RBFOX1: variants seen among roughly 807,000 people sequenced by gnomAD.
RBFOX1 encodes the protein RNA binding fox-1 homolog 1.
RBFOX1 carries 8 observed loss-of-function variants against 57.7 expected under a neutral mutation model. That is an observed-to-expected ratio of 0.14 (90% CI 0.08 to 0.25). The LOEUF (loss-of-function observed/expected upper bound fraction) is 0.25. Among genes scored for constraint, RBFOX1 ranks in the 10% least tolerant of loss-of-function variants. The pLI, the probability that RBFOX1 is intolerant of heterozygous loss-of-function variation, is 1.00. For missense variants in RBFOX1, 611 were observed against 548.5 expected, an observed-to-expected ratio of 1.11 and a Z score of -1.14; for synonymous variants, 326 against 222.4, an observed-to-expected ratio of 1.47 and a Z score of -4.15.
chr16:6,694,273 G>A (rs2154135776), intron 3 of RBFOX1, among the ~76,000 whole-genome samples: 1 of 152,174 alleles, frequency 6.6e-6, no homozygotes, highest in East Asian at 1.9e-4. Context: ...GGAGGTTGGT[G>A]TGTGAGTCAA....
chr16:7,155,740 C>CACAG (rs1567490781), intron 4 of RBFOX1, among the ~76,000 whole-genome samples: 1 of 99,586 alleles, frequency 1.0e-5, no homozygotes, highest in African/African-American at 5.0e-5. Context: ...TATATATATA[C>CACAG]ACACACACAC....
chr16:6,079,121 C>T (rs1236968748), intron 1 of RBFOX1, among the ~76,000 whole-genome samples: 1 of 151,354 alleles, frequency 6.6e-6, no homozygotes, highest in East Asian at 2.0e-4. Context: ...CTAACCTGAC[C>T]AACATGGTGA....
intron 3 of RBFOX1, among the ~76,000 whole-genome samples, chr16:6,834,534 T>C (rs766410036): frequency 5.0e-5 from 7 of 140,124 alleles, no homozygotes; most frequent in East Asian, 2.2e-4. Flanking sequence ...ATGAATCAGT[T>C]AATTAATTAA....
intron 2 of RBFOX1, among the ~76,000 whole-genome samples, chr16:6,651,973 C>G (rs986836839): frequency 6.6e-6 from 1 of 152,168 alleles, no homozygotes; most frequent in Non-Finnish European, 1.5e-5. Context: ...CACAGAAGGA[C>G]AAATGTTGTA....
intron 3 of RBFOX1, among the ~76,000 whole-genome samples, chr16:6,865,177 AC>A (rs1486333925): frequency 1.2e-4 from 18 of 151,228 alleles, no homozygotes; most frequent in African/African-American, 4.4e-4. Flanking sequence ...TAATTTTTGT[AC>A]TTTTAGTAGA....
intron 2 of RBFOX1, among the ~76,000 whole-genome samples, chr16:6,503,573 G>T (rs775942042): frequency 2.6e-5 from 4 of 152,186 alleles, no homozygotes; most frequent in Non-Finnish European, 4.4e-5. Flanking sequence ...TTGCTGGGTT[G>T]CCTCAGTTTT....
chr16:6,219,610 C>A (rs1340294960), intron 1 of RBFOX1, among the ~76,000 whole-genome samples: 1 of 152,040 alleles, frequency 6.6e-6, no homozygotes, highest in African/African-American at 2.4e-5. Context: ...CGTGGTGGCT[C>A]ATGCTTGTAA....
intron 4 of RBFOX1, among the ~76,000 whole-genome samples, chr16:7,333,532 C>T (rs1276364860): frequency 6.6e-6 from 1 of 152,174 alleles, no homozygotes; most frequent in Non-Finnish European, 1.5e-5. Flanking sequence ...CACGGATTGT[C>T]TATTTTCAGA....
chr16:6,512,687 A>G (rs557586962), intron 2 of RBFOX1, among the ~76,000 whole-genome samples: 1 of 152,266 alleles, frequency 6.6e-6, no homozygotes, highest in South Asian at 2.1e-4. Context: ...CCCACATGCT[A>G]TGAGGACCCT....
At chr16:7,124,799 C>T (rs572045547) in intron 4 of RBFOX1, among the ~76,000 whole-genome samples, 1 of 151,950 alleles carries the variant, frequency 6.6e-6, no homozygotes, top group African/African-American at 2.4e-5. Flanking sequence ...AAACAGACAG[C>T]CAGTGTAGAG....
At chr16:6,618,025 A>G (rs1425718030) in intron 2 of RBFOX1, among the ~76,000 whole-genome samples, 1 of 152,156 alleles carries the variant, frequency 6.6e-6, no homozygotes, top group Non-Finnish European at 1.5e-5. Context: ...ATACCTCCTC[A>G]TATGCATGCA....
intron 1 of RBFOX1, among the ~76,000 whole-genome samples, chr16:5,386,620 G>T (rs1026645198): frequency 6.6e-6 from 1 of 152,028 alleles, no homozygotes; most frequent in Non-Finnish European, 1.5e-5. Context: ...TGTCCTGGAG[G>T]TCCCACTGCC....
chr16:5,803,928 G>T (rs2055144520), intron 3 of RBFOX1, among the ~76,000 whole-genome samples: 2 of 152,104 alleles, frequency 1.3e-5, no homozygotes, highest in Non-Finnish European at 1.5e-5. Context: ...GCCTGGAATT[G>T]TCTTGTCCAT....
At chr16:7,268,331 G>T (rs1289160104) in intron 4 of RBFOX1, among the ~76,000 whole-genome samples, 1 of 152,162 alleles carries the variant, frequency 6.6e-6, no homozygotes, top group African/African-American at 2.4e-5. Context: ...AGTGGAAGTG[G>T]AGAAACCAAG....
intron 1 of RBFOX1, among the ~76,000 whole-genome samples, chr16:6,156,444 C>A (rs1421709136): frequency 6.6e-6 from 1 of 152,232 alleles, no homozygotes; most frequent in Non-Finnish European, 1.5e-5. Context: ...CTTGGATGAA[C>A]ATGCCCATGT....
chr16:6,375,315 C>G (rs959048861), intron 2 of RBFOX1, among the ~76,000 whole-genome samples: 1 of 151,970 alleles, frequency 6.6e-6, no homozygotes, highest in Non-Finnish European at 1.5e-5. Flanking sequence ...AAAACAAAAA[C>G]CACCTTCCCT....
chr16:5,863,431 T>G lies in RBFOX1; in HGVS notation c.319-3872T>G, dbSNP rs1836866. The stretch of plus-strand genomic sequence containing the variant: ...CTGATGGCTTGATAAAAGCCCATGG[T>G]TGCAGCTGGCGTCAGCAACCCTTAA... On this transcript the variant is annotated intron_variant, in intron 3 of 19. Transcript: ENST00000641259. 2.0e-5 allele frequency among the ~76,000 whole-genome samples: 3 copies of G among 152,018 alleles called. No homozygotes were observed. In the East Asian group the frequency reaches 5.8e-4, roughly 30 times the overall value.
chr16:5,715,339 C>T (rs2051654906), intron 3 of RBFOX1, among the ~76,000 whole-genome samples: 1 of 152,184 alleles, frequency 6.6e-6, no homozygotes, highest in African/African-American at 2.4e-5. Flanking sequence ...AATATGTTCC[C>T]TGCCATAACT....
At chr16:6,750,968 T>G (rs1167424022) in intron 3 of RBFOX1, among the ~76,000 whole-genome samples, 1 of 152,008 alleles carries the variant, frequency 6.6e-6, no homozygotes, top group African/African-American at 2.4e-5. Flanking sequence ...CTGAGTGATA[T>G]GAAGGTGCCA....
Sources: gnomAD v4.1 joint callset for allele counts (sites outside exome capture counted in the v4.1 genomes callset) on GRCh38, gnomAD v4.1.1 for gene constraint, MANE v1.5 for transcripts, NCBI Gene and HGNC (gene_info 2026-07-23, HGNC 2026-07-21) for gene names.